The following HSPA2 variants were observed in gnomAD, a reference collection of about 807,000 sequenced individuals.
The protein encoded by HSPA2 is heat shock-related 70 kDa protein 2.
In HSPA2, 13 loss-of-function variants were observed where a neutral mutation model predicts 35.0. The ratio of observed to expected loss-of-function variants is 0.37; its 90% CI spans 0.24 to 0.59. The LOEUF is 0.59. HSPA2 is among the 20% of genes least tolerant of loss of function. HSPA2 has a pLI of 0.70. For synonymous variants in HSPA2, 368 were observed against 382.1 expected (o/e 0.96, Z 0.43); for missense variants, 565 against 885.4 (o/e 0.64, Z 4.59).
At chr14:64,540,522 G>A, upstream of HSPA2, 1 of 345,818 alleles carries the variant, frequency 2.9e-6, no homozygotes, top group Non-Finnish European at 5.3e-6. Context: ...AGTCAGGGAG[G>A]AACCTCATTT....
chr14:64,542,395 G>T lies in HSPA2; in HGVS notation c.1546G>T (p.Asp516Tyr). The T allele has an allele frequency of 6.2e-7, 1 of 1,614,000 alleles. No homozygotes were observed. The highest frequency in any genetic ancestry group is 8.5e-7 in the Non-Finnish European group (1 of 1,180,026). The change falls in exon 1 of 1, where the codon GAC (aspartate) becomes TAC (tyrosine). Residue 516 changes from aspartate to tyrosine, a missense_variant. Physicochemically the swap from Asp to Tyr is radical, Grantham distance 160. Transcript: ENST00000247207. The surrounding 1 kb of genome is among the most constrained non-coding windows in gnomAD (Gnocchi z 5.7). ...CAATGACAAAGGTCGTCTGAGCAAGGACGACATTGACCGGATGGTGCAGGA... is the reference window on the plus strand; with the variant it reads ...CAATGACAAAGGTCGTCTGAGCAAGTACGACATTGACCGGATGGTGCAGGA... ...ITNDKGRLSK[D>Y]DIDRMVQEAE... is the part of the protein sequence containing the mutation.
chr14:64,540,726 TGGGCGCG>T, upstream of HSPA2: 3 of 1,437,124 alleles, frequency 2.1e-6, no homozygotes, highest in South Asian at 4.2e-5. Context: ...AACCGGGAAC[TGGGCGCG>T]GGGAGCTGAG....
At chr14:64,538,611 T>G (rs1214738275), upstream of HSPA2, among the ~76,000 whole-genome samples, 1 of 152,258 alleles carries the variant, frequency 6.6e-6, no homozygotes, top group African/African-American at 2.4e-5. Flanking sequence ...CACTTTTCCA[T>G]CAGCCTGGGT....
At position 64,541,444 on chromosome 14, in the gene HSPA2, C is replaced by T; in HGVS notation, c.595C>T (p.Leu199Phe). The change falls in exon 1 of 1, where the codon CTC (leucine) becomes TTC (phenylalanine). Residue 199 changes from leucine to phenylalanine, a missense_variant. This residue lies in a region of HSPA2 where 183 missense variants were observed against 281.6 expected (regional missense o/e 0.65). Coordinates refer to ENST00000247207, the MANE Select transcript of HSPA2 (RefSeq NM_021979.4). ...KGCAGGEKNV[L>F]IFDLGGGTFD... ...CTGCGCGGGCGGCGAGAAGAACGTG[C>T]TCATCTTTGACCTGGGCGGTGGCAC... The T allele has an allele frequency of 1.2e-6, 2 of 1,613,558 alleles. No homozygotes were observed. Among genetic ancestry groups the T allele is most frequent in the Non-Finnish European group, 1.7e-6 (2 of 1,179,740 alleles).
chr14:64,537,592 C>T (rs145729856), upstream of HSPA2, among the ~76,000 whole-genome samples: 173 of 151,666 alleles, frequency 1.1e-3, 1 homozygote, highest in South Asian at 2.5e-3. Flanking sequence ...AAAAACCAAA[C>T]AAATACCCCC....
At chr14:64,537,313 A>G (rs1443128391), upstream of HSPA2, among the ~76,000 whole-genome samples, 1 of 152,112 alleles carries the variant, frequency 6.6e-6, no homozygotes, top group East Asian at 1.9e-4. Context: ...AAAAGAAAAG[A>G]GAGAAGAAAA....
At position 64,542,542 on chromosome 14, in the gene HSPA2, A is replaced by T; in HGVS notation, c.1693A>T (p.Ile565Phe). The T allele has an allele frequency of 3.1e-6, 5 of 1,613,656 alleles. No homozygotes were observed. The highest frequency in any genetic ancestry group is 4.2e-6 in the Non-Finnish European group (5 of 1,179,994). Residue 565 changes from isoleucine to phenylalanine, a missense_variant, in exon 1 of 1, where the codon ATT (isoleucine) becomes TTT (phenylalanine). Transcript: ENST00000247207. This position sits in a 1 kb window ranked among gnomAD's most constrained non-coding sequence, Gnocchi z 5.7. ...GGAAGACGAGAAACTGAGGGGCAAG[A>T]TTAGCGAGCAGGACAAAAACAAGAT... ...TVEDEKLRGK[I>F]SEQDKNKILD...
In HSPA2 at chr14:64,541,731, G is replaced by C; in HGVS notation, c.882G>C (p.Val294=). Residue 294 remains valine, a synonymous_variant, in exon 1 of 1, where the codon GTG becomes GTC. Coordinates refer to ENST00000247207, the MANE Select transcript of HSPA2 (RefSeq NM_021979.4). ...SIEIDSLYEG[V]DFYTSITRAR... is the part of the protein sequence containing the mutation. The stretch of plus-strand genomic sequence containing the variant: ...AGATCGACTCGCTCTACGAGGGCGT[G>C]GACTTCTATACGTCCATCACGCGCG... 6.2e-7 allele frequency: 1 copy of C among 1,612,020 alleles called. No individual in the cohort carries two copies.
At position 64,540,755 on chromosome 14, in the gene HSPA2, G is replaced by A. The variant is rs998573840; in HGVS notation, c.-95G>A. The stretch of plus-strand genomic sequence containing the variant: ...CGCGGGGAGCTGAGTTGCTGGTAGT[G>A]CCCGTGGTGCTTGGTTCGAGGTGGC... On this transcript the variant is annotated 5_prime_UTR_variant, in exon 1 of 1. Coordinates refer to ENST00000247207, the MANE Select transcript of HSPA2 (RefSeq NM_021979.4). 2.6e-6 allele frequency: 4 copies of A among 1,543,048 alleles called. No individual in the cohort carries two copies. The highest frequency in any genetic ancestry group is 1.9e-4 in the Middle Eastern group (1 of 5,204).
chr14:64,542,001 C>T lies in HSPA2; in HGVS notation c.1152C>T (p.Ile384=). ...CCGCGGTGCAGGCGGCCATCCTCATCGGCGACAAATCAGAGAATGTGCAGG... is the reference window on the plus strand; with the variant it reads ...CCGCGGTGCAGGCGGCCATCCTCATTGGCGACAAATCAGAGAATGTGCAGG... ...YGAAVQAAIL[I]GDKSENVQDL... The change falls in exon 1 of 1, where the codon ATC becomes ATT. Residue 384 remains isoleucine (I), a synonymous_variant. Transcript: ENST00000247207. This position sits in a 1 kb window ranked among gnomAD's most constrained non-coding sequence, Gnocchi z 5.7. 5.0e-6 allele frequency: 8 copies of T among 1,613,556 alleles called. No individual in the cohort carries two copies. The highest frequency in any genetic ancestry group is 6.8e-6 in the Non-Finnish European group (8 of 1,180,018).
Position 64,541,575 on chromosome 14 carries a change from C to T in HSPA2, c.726C>T (p.Ser242=). The change falls in exon 1 of 1, where the codon AGC becomes AGT. Residue 242 remains serine (S), a synonymous_variant. Transcript: ENST00000247207. Reference sequence around the variant, plus strand: ...AGGACTTCGACAACCGCATGGTGAGCCACCTGGCGGAGGAGTTCAAGCGCA... The same window carrying T: ...AGGACTTCGACAACCGCATGGTGAGTCACCTGGCGGAGGAGTTCAAGCGCA... ...GGEDFDNRMV[S]HLAEEFKRKH... is the part of the protein sequence containing the mutation. 1 of 1,612,584 alleles carries T rather than the reference C, an allele frequency of 6.2e-7. No individual in the cohort carries two copies. The highest frequency in any genetic ancestry group is 8.5e-7 in the Non-Finnish European group (1 of 1,179,998).
chr14:64,539,707 A>G (rs1384027512), upstream of HSPA2, among the ~76,000 whole-genome samples: 1 of 151,520 alleles, frequency 6.6e-6, no homozygotes, highest in Non-Finnish European at 1.5e-5. Flanking sequence ...TTTGAGACGG[A>G]GTCTCGCTCA....
Position 64,541,675 on chromosome 14 carries a change from A to G in HSPA2, c.826A>G (p.Thr276Ala). 1 of 1,611,800 alleles carries G rather than the reference A, an allele frequency of 6.2e-7. No homozygotes were observed. Among genetic ancestry groups the G allele is most frequent in the Non-Finnish European group, 8.5e-7 (1 of 1,179,724 alleles). ...CACCGCTTGCGAGCGCGCCAAGCGCACCCTGAGCTCGTCCACGCAGGCGAG... is the reference window on the plus strand; with the variant it reads ...CACCGCTTGCGAGCGCGCCAAGCGCGCCCTGAGCTCGTCCACGCAGGCGAG... Reference protein sequence around the residue: ...LRTACERAKRTLSSSTQASIE... With the variant: ...LRTACERAKRALSSSTQASIE... The change falls in exon 1 of 1, where the codon ACC (threonine) becomes GCC (alanine). Residue 276 changes from threonine to alanine, a missense_variant. Thr to Ala is a moderately conservative substitution (Grantham distance 58). Around this residue, in one of 4 missense-constraint regions of HSPA2, gnomAD observed 234 missense variants for 419.0 expected, o/e 0.56. Transcript: ENST00000247207.
chr14:64,540,145 C>T (rs375609090), upstream of HSPA2, among the ~76,000 whole-genome samples: 2 of 152,200 alleles, frequency 1.3e-5, no homozygotes, highest in African/African-American at 4.8e-5. Flanking sequence ...TTCCCTATTC[C>T]CTCCCCTTGG....
In HSPA2 at chr14:64,542,445, T is replaced by C. The variant is rs1011001299; in HGVS notation, c.1596T>C (p.Asp532=). ...AGGCGGAGCGGTACAAATCGGAAGA[T>C]GAGGCGAATCGCGACCGAGTCGCGG... ...VQEAERYKSE[D]EANRDRVAAK... The change falls in exon 1 of 1, where the codon GAT becomes GAC. Residue 532 remains aspartate (D), a synonymous_variant. Transcript: ENST00000247207. The surrounding 1 kb of genome is among the most constrained non-coding windows in gnomAD (Gnocchi z 5.7). 1 of 1,613,616 alleles carries C rather than the reference T, an allele frequency of 6.2e-7. No individual in the cohort carries two copies. The highest frequency in any genetic ancestry group is 1.3e-5 in the African/African-American group (1 of 74,830).
rs759836636 is a variant in HSPA2 at position 64,540,798 on chromosome 14, G to A, written c.-52G>A. ...GAGGTGGCCGTTAGTTGACTCCGCG[G>A]AGTTCATCTCCCTGGTTTTCCCGTC... is the stretch of plus-strand genomic sequence containing the variant. On this transcript the variant is annotated 5_prime_UTR_variant, in exon 1 of 1. Coordinates refer to ENST00000247207, the MANE Select transcript of HSPA2 (RefSeq NM_021979.4). 1 of 1,597,432 alleles carries A rather than the reference G, an allele frequency of 6.3e-7. No individual in the cohort carries two copies. Among genetic ancestry groups the A allele is most frequent in the Non-Finnish European group, 8.5e-7 (1 of 1,170,256 alleles).
upstream of HSPA2, chr14:64,540,193 C>T (rs983493245): frequency 1.3e-5 from 2 of 153,032 alleles, no homozygotes; most frequent in African/African-American, 4.8e-5. Context: ...AGCTTTATTT[C>T]TTCGGTGCAA....
Position 64,542,077 on chromosome 14 carries a change from G to A in HSPA2, c.1228G>A (p.Gly410Ser). Residue 410 changes from glycine (G) to serine (S), a missense_variant, in exon 1 of 1, where the codon GGC (glycine) becomes AGC (serine). Physicochemically the swap from Gly to Ser is moderately conservative, Grantham distance 56. This residue lies in a region of HSPA2 where 234 missense variants were observed against 419.0 expected (regional missense o/e 0.56). Transcript: ENST00000247207. The surrounding 1 kb of genome is among the most constrained non-coding windows in gnomAD (Gnocchi z 5.7). The part of the protein sequence containing the change: ...TPLSLGIETA[G>S]GVMTPLIKRN... ...GTTGTCGCTGGGCATCGAGACAGCT[G>A]GCGGTGTCATGACCCCACTCATCAA... The A allele has an allele frequency of 6.2e-7, 1 of 1,613,680 alleles. No individual in the cohort carries two copies. Among genetic ancestry groups the A allele is most frequent in the Non-Finnish European group, 8.5e-7 (1 of 1,180,024 alleles).
rs1375890915 is a variant in HSPA2, at chr14:64,541,389, G to T, written c.540G>T (p.Ala180=). 1 of 1,613,662 alleles carries T rather than the reference G, an allele frequency of 6.2e-7. No individual in the cohort carries two copies. Among genetic ancestry groups the T allele is most frequent in the Non-Finnish European group, 8.5e-7 (1 of 1,180,008 alleles). Residue 180 remains alanine (A), a synonymous_variant, in exon 1 of 1, where the codon GCG becomes GCT. Coordinates refer to ENST00000247207, the MANE Select transcript of HSPA2 (RefSeq NM_021979.4). ...VLRIINEPTA[A]AIAYGLDKKG... Reference sequence around the variant, plus strand: ...GCATCATCAACGAGCCCACGGCGGCGGCCATCGCCTACGGCCTGGACAAGA... The same window carrying T: ...GCATCATCAACGAGCCCACGGCGGCTGCCATCGCCTACGGCCTGGACAAGA...
Sources: gnomAD v4.1 joint callset for allele counts (sites outside exome capture counted in the v4.1 genomes callset) on GRCh38, gnomAD v4.1.1 for gene constraint, gnomAD v4.1.1 regional missense constraint, Gnocchi (gnomAD v3.1) non-coding constraint, MANE v1.5 for transcripts, NCBI Gene and HGNC (gene_info 2026-07-23, HGNC 2026-07-21) for gene names.